Variants in DPP10 observed in about 807,000 individuals in gnomAD.
The protein encoded by DPP10 is inactive dipeptidyl peptidase 10.
DPP10 carries 33 observed loss-of-function variants against 120.9 expected under a neutral mutation model. That is an observed-to-expected ratio of 0.27 (90% CI 0.21 to 0.37). DPP10 has a LOEUF of 0.37. DPP10 is among the 10% of genes least tolerant of loss of function. DPP10 has a pLI of 1.00. For missense variants in DPP10, 816 were observed against 942.8 expected, an observed-to-expected ratio of 0.87 and a Z score of 1.76; for synonymous variants, 337 against 326.1, an observed-to-expected ratio of 1.03 and a Z score of -0.36.
chr2:115,015,757 A>C (rs1558994505), intron 1 of DPP10, among the ~76,000 whole-genome samples: 1 of 152,182 alleles, frequency 6.6e-6, no homozygotes, highest in Non-Finnish European at 1.5e-5. Context: ...CAATTGCTAC[A>C]AAGAGAATAA....
At chr2:114,689,527 AG>A (rs1699598430) in intron 1 of DPP10, among the ~76,000 whole-genome samples, 1 of 152,076 alleles carries the variant, frequency 6.6e-6, no homozygotes, top group Admixed American at 6.6e-5. Flanking sequence ...TATTGTGAAT[AG>A]TGCTGCAATG....
chr2:114,545,117 T>G (rs1038404160), intron 1 of DPP10, among the ~76,000 whole-genome samples: 32 of 152,258 alleles, frequency 2.1e-4, no homozygotes, highest in Admixed American at 4.6e-4. Context: ...TCCAAATTGC[T>G]GAGATTACAG....
At chr2:115,077,303 T>C (rs1707886853) in intron 1 of DPP10, among the ~76,000 whole-genome samples, 1 of 152,184 alleles carries the variant, frequency 6.6e-6, no homozygotes, top group Non-Finnish European at 1.5e-5. Context: ...ATTATAATTC[T>C]GATTTAATAA....
chr2:114,946,329 C>A (rs1697344092), intron 1 of DPP10, among the ~76,000 whole-genome samples: 1 of 152,018 alleles, frequency 6.6e-6, no homozygotes, highest in Non-Finnish European at 1.5e-5. Flanking sequence ...TAACACTATT[C>A]TTTAAAAAGT....
At chr2:114,783,078 T>C (rs1682469849) in intron 1 of DPP10, among the ~76,000 whole-genome samples, 1 of 152,064 alleles carries the variant, frequency 6.6e-6, no homozygotes, top group South Asian at 2.1e-4. Context: ...CTGAACAAAG[T>C]CATTAAAATT....
At chr2:115,684,693 G>A (rs1231672105) in intron 5 of DPP10, among the ~76,000 whole-genome samples, 3 of 151,808 alleles carry the variant, frequency 2.0e-5, no homozygotes, top group Non-Finnish European at 1.5e-5. Context: ...AAATTACTGG[G>A]ATACACTGCT....
At chr2:115,788,594 G>A (rs1051418859) in intron 17 of DPP10, among the ~76,000 whole-genome samples, 3 of 152,144 alleles carry the variant, frequency 2.0e-5, no homozygotes, top group African/African-American at 7.2e-5. Context: ...AATGACAATA[G>A]TGGAACATTA....
intron 1 of DPP10, chr2:114,833,216 A>T (rs553154581): frequency 6.6e-6 from 1 of 152,092 alleles, no homozygotes; most frequent in African/African-American, 2.4e-5. Flanking sequence ...CTAGATTTCA[A>T]TTCTGTGGAA....
intron 5 of DPP10, among the ~76,000 whole-genome samples, chr2:115,538,258 T>C (rs1222713982): frequency 2.0e-5 from 3 of 151,908 alleles, no homozygotes; most frequent in Non-Finnish European, 4.4e-5. Context: ...TGAATACTAG[T>C]TAGGTGTAGT....
intron 1 of DPP10, among the ~76,000 whole-genome samples, chr2:115,274,641 G>T (rs901823423): frequency 3.3e-5 from 5 of 152,172 alleles, no homozygotes; most frequent in African/African-American, 1.2e-4. Context: ...AACATGAGCT[G>T]TGGAAAATAG....
At chr2:114,512,423 A>G (rs1453340364) in intron 1 of DPP10, among the ~76,000 whole-genome samples, 1 of 152,206 alleles carries the variant, frequency 6.6e-6, no homozygotes, top group African/African-American at 2.4e-5. Flanking sequence ...TTGGTGATAT[A>G]GAAACTGCAT....
intron 1 of DPP10, among the ~76,000 whole-genome samples, chr2:115,286,491 A>AATATATATATTACATATATAAT (rs2060383221): frequency 4.7e-5 from 4 of 85,478 alleles, no homozygotes; most frequent in Non-Finnish European, 9.0e-5. Flanking sequence ...ATATATATAT[A>AATATATATATTACATATATAAT]ATATATATAT....
Position 114,542,375 on chromosome 2 carries a change from C to G in DPP10, c.60+99537C>G, listed in dbSNP as rs149077138. Among the ~76,000 whole-genome samples the G allele has an allele frequency of 8.5e-5, 13 of 152,240 alleles. No individual in the cohort carries two copies. The East Asian group carries it at 2.5e-3, about 29-fold the overall frequency. On this transcript the variant is annotated intron_variant, in intron 1 of 25. Coordinates refer to ENST00000410059, the MANE Select transcript of DPP10 (RefSeq NM_020868.6). ...ATATCTTTATCTACTAACACCTACA[C>G]TCCTTATTTGGTGGGGAATGGCATA...
At chr2:115,402,452 C>T (rs756001828) in intron 3 of DPP10, among the ~76,000 whole-genome samples, 8 of 151,924 alleles carry the variant, frequency 5.3e-5, no homozygotes, top group Non-Finnish European at 7.4e-5. Flanking sequence ...AAATGCAAGG[C>T]GAGGCATCAC....
At chr2:115,169,147 C>G (rs954512908) in intron 1 of DPP10, among the ~76,000 whole-genome samples, 8 of 152,098 alleles carry the variant, frequency 5.3e-5, no homozygotes, top group Admixed American at 2.0e-4. Flanking sequence ...CAGATTGATT[C>G]CTTCCTCTGC....
chr2:114,812,091 C>G (rs1302044728), intron 1 of DPP10, among the ~76,000 whole-genome samples: 1 of 152,122 alleles, frequency 6.6e-6, no homozygotes, highest in Non-Finnish European at 1.5e-5. Flanking sequence ...GGAGAAATAT[C>G]AAAGGATGAC....
intron 21 of DPP10, 26 bp from the exon 22 acceptor site, chr2:115,836,131 T>C (rs1689484535): frequency 8.8e-7 from 1 of 1,130,886 alleles, no homozygotes; most frequent in Non-Finnish European, 1.2e-6. Context: ...TATATATATA[T>C]ATATATATAT....
In DPP10 at chr2:115,501,319, C is replaced by T. The variant is rs1254527918; in HGVS notation, c.366+1715C>T. ...CTTCCATGATACATCAAAAAAGAAA[C>T]CAAAACAAACAGAACTTTTAGATTA... On this transcript the variant is annotated intron_variant, in intron 4 of 25. Coordinates refer to ENST00000410059, the MANE Select transcript of DPP10 (RefSeq NM_020868.6). 3.3e-5 allele frequency among the ~76,000 whole-genome samples: 5 copies of T among 151,974 alleles called. No homozygotes were observed. The East Asian group carries it at 7.7e-4, about 23-fold the overall frequency.
intron 7 of DPP10, among the ~76,000 whole-genome samples, chr2:115,701,427 A>C (rs934040505): frequency 5.9e-5 from 9 of 152,110 alleles, no homozygotes; most frequent in African/African-American, 2.2e-4. Context: ...CACATTCAAA[A>C]CTTAACTCAG....
Sources: gnomAD v4.1 joint callset for allele counts (sites outside exome capture counted in the v4.1 genomes callset) on GRCh38, gnomAD v4.1.1 for gene constraint, MANE v1.5 for transcripts, NCBI Gene and HGNC (gene_info 2026-07-23, HGNC 2026-07-21) for gene names.